ELAPOR2: variants seen among roughly 807,000 people sequenced by gnomAD.
The protein encoded by ELAPOR2 is endosome-lysosome associated apoptosis and autophagy regulator family member 2, also known as endosome/lysosome-associated apoptosis and autophagy regulator family member 2.
Under a neutral mutation model 120.7 loss-of-function variants are expected in ELAPOR2, and 89 were observed. The observed-to-expected ratio is 0.74, with a 90% CI of 0.62 to 0.88. ELAPOR2 has a LOEUF of 0.88. ELAPOR2 is among the 40% of genes least tolerant of loss of function. The pLI, the probability that ELAPOR2 is intolerant of heterozygous loss-of-function variation, is 0.00. For synonymous variants in ELAPOR2, 444 were observed against 444.9 expected, an observed-to-expected ratio of 1.00 and a Z score of 0.03; for missense variants, 1,134 against 1,251.6, an observed-to-expected ratio of 0.91 and a Z score of 1.42.
chr7:87,030,547 C>T (rs1015720425), intron 1 of ELAPOR2, among the ~76,000 whole-genome samples: 6 of 152,156 alleles, frequency 3.9e-5, no homozygotes, highest in South Asian at 4.1e-4. Flanking sequence ...AAGCTGCCAC[C>T]GTACATATTT....
intron 1 of ELAPOR2, among the ~76,000 whole-genome samples, chr7:87,052,775 T>C (rs1447266280): frequency 7.0e-6 from 1 of 142,230 alleles, no homozygotes; most frequent in African/African-American, 2.8e-5. Context: ...GGGTTTGTTT[T>C]CTTTTGTTTT....
At chr7:86,960,641 C>A (rs1791666818) in intron 2 of ELAPOR2, among the ~76,000 whole-genome samples, 1 of 152,116 alleles carries the variant, frequency 6.6e-6, no homozygotes, top group Admixed American at 6.5e-5. Context: ...GTATTACTGT[C>A]TATTTTTCCC....
intron 1 of ELAPOR2, among the ~76,000 whole-genome samples, chr7:86,972,794 T>C (rs1407752445): frequency 1.3e-5 from 2 of 151,892 alleles, no homozygotes; most frequent in Non-Finnish European, 2.9e-5. Context: ...CTTCAGTGGA[T>C]GTTATACCCT....
chr7:86,977,198 C>T (rs1226257995), intron 1 of ELAPOR2, among the ~76,000 whole-genome samples: 2 of 152,158 alleles, frequency 1.3e-5, no homozygotes, highest in African/African-American at 2.4e-5. Flanking sequence ...CCTTGTAAGG[C>T]AGAGTTTTTA....
chr7:86,877,024 T>C lies in ELAPOR2; in HGVS notation c.*3447A>G, dbSNP rs960684611. 3 of 152,146 alleles carry C rather than the reference T, an allele frequency of 2.0e-5. No individual in the cohort carries two copies. The highest frequency in any genetic ancestry group is 2.9e-5 in the Non-Finnish European group (2 of 68,012). 9.4% of individuals were successfully genotyped at this position (152,146 alleles called of 1,614,324 possible). A position where few individuals can be genotyped will look rare whatever the true frequency, so the allele number is the denominator to read the frequency against. On this transcript the variant is annotated 3_prime_UTR_variant, in exon 22 of 22. Coordinates refer to ENST00000450689, the MANE Select transcript of ELAPOR2 (RefSeq NM_001142749.3). Reference sequence around the variant, plus strand: ...TTGAGTAAATGCAATAGAGCCCACATGCCCTGCAAAGCCAAAACTATGTAC... The same window carrying C: ...TTGAGTAAATGCAATAGAGCCCACACGCCCTGCAAAGCCAAAACTATGTAC...
chr7:87,009,937 T>C (rs186021069), intron 1 of ELAPOR2, among the ~76,000 whole-genome samples: 1 of 152,220 alleles, frequency 6.6e-6, no homozygotes, highest in East Asian at 1.9e-4. Flanking sequence ...TATATAAAAT[T>C]CTTTTTATAA....
chr7:87,036,935 A>C (rs1173844965), intron 1 of ELAPOR2, among the ~76,000 whole-genome samples: 4 of 152,256 alleles, frequency 2.6e-5, no homozygotes, highest in African/African-American at 9.6e-5. Context: ...AAAAGTTGAA[A>C]AATTAAAATA....
At chr7:86,911,181 G>A (rs1789291771) in intron 15 of ELAPOR2, among the ~76,000 whole-genome samples, 1 of 152,098 alleles carries the variant, frequency 6.6e-6, no homozygotes, top group Admixed American at 6.6e-5. Context: ...GCTTCCCACA[G>A]TATCTGGCAC....
chr7:86,909,862 A>T lies in ELAPOR2; in HGVS notation c.2309T>A (p.Phe770Tyr). Reference sequence around the variant, plus strand: ...GGATTGTGATGATAAGGCTGCTCGGAAACCCTTACTTTCAGAAGGAATAAT... The same window carrying T: ...GGATTGTGATGATAAGGCTGCTCGGTAACCCTTACTTTCAGAAGGAATAAT... ...STIIPSESKG[F>Y]RAALSSQSII... The change falls in exon 16 of 22, where the codon TTC becomes TAC. Residue 770 changes from phenylalanine to tyrosine, a missense_variant. Phe to Tyr is a conservative substitution (Grantham distance 22, BLOSUM62 3). Transcript: ENST00000450689. The T allele has an allele frequency of 6.2e-7, 1 of 1,613,372 alleles. No individual in the cohort carries two copies. Among genetic ancestry groups the T allele is most frequent in the Non-Finnish European group, 8.5e-7 (1 of 1,179,548 alleles).
intron 1 of ELAPOR2, among the ~76,000 whole-genome samples, chr7:87,038,536 G>A (rs945506901): frequency 6.6e-6 from 1 of 152,116 alleles, no homozygotes; most frequent in African/African-American, 2.4e-5. Context: ...GCACATGTTA[G>A]GTCACAAAAT....
At chr7:86,933,971 T>C (rs547433264) in intron 8 of ELAPOR2, among the ~76,000 whole-genome samples, 9 of 152,048 alleles carry the variant, frequency 5.9e-5, no homozygotes, top group Non-Finnish European at 1.2e-4. Flanking sequence ...CCTATATAAG[T>C]GTACCTCATT....
In ELAPOR2 at chr7:86,973,848, G is replaced by C. The variant is rs772890446; in HGVS notation, c.190-8824C>G. 1.0e-3 allele frequency among the ~76,000 whole-genome samples: 153 copies of C among 152,154 alleles called. 12 individuals carry two copies. Among genetic ancestry groups the C allele is most frequent in the Non-Finnish European group, 5.7e-4 (39 of 68,028 alleles). On this transcript the variant is annotated intron_variant, in intron 1 of 21. Transcript: ENST00000450689. ...CTAGAGGAGGACCCTCTATAGTAGA[G>C]ACCAAGGCAGGGGCCCCTCTTGCCT...
intron 18 of ELAPOR2, among the ~76,000 whole-genome samples, chr7:86,906,054 G>C (rs1212284539): frequency 6.6e-6 from 1 of 152,108 alleles, no homozygotes; most frequent in Non-Finnish European, 1.5e-5. Flanking sequence ...TCATCTACTT[G>C]AGTTAGAGGC....
chr7:86,966,262 G>T (rs1386385923), intron 1 of ELAPOR2, among the ~76,000 whole-genome samples: 2 of 151,914 alleles, frequency 1.3e-5, no homozygotes, highest in African/African-American at 4.8e-5. Flanking sequence ...ATATTAAAGG[G>T]GTCACCTTTC....
intron 2 of ELAPOR2, among the ~76,000 whole-genome samples, chr7:86,954,425 C>T (rs1050922385): frequency 6.6e-6 from 1 of 152,134 alleles, no homozygotes; most frequent in East Asian, 1.9e-4. Flanking sequence ...CTGTCAATTA[C>T]ATTTATTCAT....
Position 86,918,486 on chromosome 7 carries a change from A to T in ELAPOR2, c.1549T>A (p.Phe517Ile). ...CAGTCAGCTGAACAGAGGGTCTCAA[A>T]GACAAATGTTATTCTTCCTAGTTCA... ...GSELGRITFVFETLCSADCVL... is the reference protein window; with the variant it reads ...GSELGRITFVIETLCSADCVL... Residue 517 changes from phenylalanine (F) to isoleucine (I), a missense_variant, in exon 12 of 22, where the codon TTT becomes ATT. This residue lies in a region of ELAPOR2 where 831 missense variants were observed against 867.6 expected (regional missense o/e 0.96). Coordinates refer to ENST00000450689, the MANE Select transcript of ELAPOR2 (RefSeq NM_001142749.3). 1 of 1,613,464 alleles carries T rather than the reference A, an allele frequency of 6.2e-7. No individual in the cohort carries two copies. The highest frequency in any genetic ancestry group is 8.5e-7 in the Non-Finnish European group (1 of 1,179,582).
intron 1 of ELAPOR2, among the ~76,000 whole-genome samples, chr7:86,976,109 A>G (rs1308904538): frequency 6.6e-6 from 1 of 152,102 alleles, no homozygotes; most frequent in African/African-American, 2.4e-5. Context: ...AACAGCACTG[A>G]TTCCACAACA....
chr7:86,977,750 T>C (rs1448830807), intron 1 of ELAPOR2, among the ~76,000 whole-genome samples: 1 of 152,146 alleles, frequency 6.6e-6, no homozygotes, highest in African/African-American at 2.4e-5. Flanking sequence ...GTTTAGAAAA[T>C]AGTGAAGCAC....
chr7:86,906,583 A>G (rs1789026353), intron 18 of ELAPOR2, among the ~76,000 whole-genome samples: 1 of 152,260 alleles, frequency 6.6e-6, no homozygotes, highest in African/African-American at 2.4e-5. Flanking sequence ...GGACAGGTTA[A>G]AATCTCCCAA....
Sources: gnomAD v4.1 joint callset for allele counts (sites outside exome capture counted in the v4.1 genomes callset) on GRCh38, gnomAD v4.1.1 for gene constraint, gnomAD v4.1.1 regional missense constraint, MANE v1.5 for transcripts, NCBI Gene and HGNC (gene_info 2026-07-23, HGNC 2026-07-21) for gene names.